BLOC1S5: variants seen among roughly 807,000 people sequenced by gnomAD.
BLOC1S5 encodes the protein biogenesis of lysosome-related organelles complex 1 subunit 5.
BLOC1S5 carries 27 observed loss-of-function variants against 24.3 expected under a neutral mutation model. The ratio of observed to expected loss-of-function variants is 1.11; its 90% CI spans 0.82 to 1.53. BLOC1S5 has a LOEUF of 1.53. BLOC1S5 is among the 40% of genes most tolerant of loss of function. The pLI, the probability that BLOC1S5 is intolerant of heterozygous loss-of-function variation, is 0.00. For missense variants in BLOC1S5, 239 were observed against 229.4 expected, an observed-to-expected ratio of 1.04 and a Z score of -0.27; for synonymous variants, 84 against 74.5, an observed-to-expected ratio of 1.13 and a Z score of -0.66.
chr6:8,058,228 C>G (rs1764382143), intron 2 of BLOC1S5, among the ~76,000 whole-genome samples: 1 of 151,886 alleles, frequency 6.6e-6, no homozygotes, highest in South Asian at 2.1e-4. Flanking sequence ...GGTCCAAAAG[C>G]CACCTTGTAG....
At chr6:8,019,269 CTT>C (rs3030896) in intron 4 of BLOC1S5, among the ~76,000 whole-genome samples, 7 of 138,732 alleles carry the variant, frequency 5.0e-5, no homozygotes, top group Admixed American at 7.3e-5. Context: ...GGCATTCTTA[CTT>C]TTTTTTTTTT....
intron 2 of BLOC1S5, among the ~76,000 whole-genome samples, chr6:8,060,528 A>T (rs994373082): frequency 6.6e-6 from 1 of 152,208 alleles, no homozygotes; most frequent in African/African-American, 2.4e-5. Context: ...TAAGACTGAA[A>T]TTAAGGAGAC....
At chr6:8,035,508 G>A (rs1763457258) in intron 3 of BLOC1S5, among the ~76,000 whole-genome samples, 1 of 152,104 alleles carries the variant, frequency 6.6e-6, no homozygotes, top group African/African-American at 2.4e-5. Context: ...TTCAGTAAAT[G>A]TTAGTTGGGT....
intron 2 of BLOC1S5, among the ~76,000 whole-genome samples, chr6:8,059,457 T>C (rs1292680911): frequency 6.6e-6 from 1 of 152,210 alleles, no homozygotes; most frequent in Non-Finnish European, 1.5e-5. Context: ...TGCTAGCCAG[T>C]TTTTCTTAAA....
At chr6:8,025,909 T>C (rs1763085648) in intron 4 of BLOC1S5, among the ~76,000 whole-genome samples, 1 of 152,234 alleles carries the variant, frequency 6.6e-6, no homozygotes, top group African/African-American at 2.4e-5. Flanking sequence ...TTAGTTAACA[T>C]ATAATTCAAA....
At chr6:8,064,178 CG>C in intron 1 of BLOC1S5, 86 bp downstream of exon 1, 5 of 1,178,226 alleles carry the variant, frequency 4.2e-6, no homozygotes, top group Admixed American at 3.6e-5. Flanking sequence ...GCCCGGGACC[CG>C]GGGGTCGGCC....
chr6:8,049,445 C>A (rs553194493), intron 2 of BLOC1S5, among the ~76,000 whole-genome samples: 2 of 151,942 alleles, frequency 1.3e-5, no homozygotes, highest in East Asian at 1.9e-4. Context: ...TCCAAAAACA[C>A]AGGCTTTTTT....
At position 8,031,214 on chromosome 6, in the gene BLOC1S5, G is replaced by A. The variant is rs149416741; in HGVS notation, c.326-4789C>T. Among the ~76,000 whole-genome samples, 267 of 152,226 alleles carry A rather than the reference G, an allele frequency of 1.8e-3. 1 individual carries two copies. Among genetic ancestry groups the A allele is most frequent in the African/African-American group, 6.1e-3 (252 of 41,530 alleles). On this transcript the variant is annotated intron_variant, in intron 3 of 4. Transcript: ENST00000397457. Reference sequence around the variant, plus strand: ...GTCACTAGTCACTGATGATATTATCGTATACCTAAAAAACCCTTAAGACTC... The same window carrying A: ...GTCACTAGTCACTGATGATATTATCATATACCTAAAAAACCCTTAAGACTC...
At chr6:8,022,828 C>T (rs1487807778) in intron 4 of BLOC1S5, among the ~76,000 whole-genome samples, 2 of 151,400 alleles carry the variant, frequency 1.3e-5, no homozygotes, top group Admixed American at 1.3e-4. Context: ...TCGTGATCCG[C>T]CCGCCTCGGC....
Position 8,015,452 on chromosome 6 carries a change from C to A in BLOC1S5, c.*197G>T. The A allele has an allele frequency of 1.8e-6, 1 of 541,998 alleles. No individual in the cohort carries two copies. The highest frequency in any genetic ancestry group is 3.2e-6 in the Non-Finnish European group (1 of 313,972). The allele number at this position is 541,998 out of a possible 1,614,324, so 33.6% of individuals were successfully genotyped here. On this transcript the variant is annotated 3_prime_UTR_variant, in exon 5 of 5. Coordinates refer to ENST00000397457, the MANE Select transcript of BLOC1S5 (RefSeq NM_201280.3). ...TCATTCAAATAATCATATATAGGCA[C>A]TTAAAGCTGGAAAAATGTGGCACCC...
At chr6:8,022,593 T>C (rs13206737) in intron 4 of BLOC1S5, among the ~76,000 whole-genome samples, 1 of 118,264 alleles carries the variant, frequency 8.5e-6, no homozygotes, top group Admixed American at 8.6e-5. Context: ...TTTTTTTTTC[T>C]TTTTTTTTTG....
chr6:8,056,188 C>T (rs1353027786), intron 2 of BLOC1S5, among the ~76,000 whole-genome samples: 1 of 152,196 alleles, frequency 6.6e-6, no homozygotes, highest in African/African-American at 2.4e-5. Context: ...TTATAAATTA[C>T]TCAGTTTCAG....
chr6:8,029,282 C>A (rs934794675), intron 3 of BLOC1S5, among the ~76,000 whole-genome samples: 3 of 152,180 alleles, frequency 2.0e-5, no homozygotes, highest in Non-Finnish European at 4.4e-5. Flanking sequence ...CTCAGGGCCA[C>A]AGAGAAATGA....
In BLOC1S5 at chr6:8,015,473, C is replaced by T; in HGVS notation, c.*176G>A. 1.7e-6 allele frequency: 1 copy of T among 600,910 alleles called. No homozygotes were observed. Among genetic ancestry groups the T allele is most frequent in the South Asian group, 3.0e-5 (1 of 33,824 alleles). 37.2% of individuals were successfully genotyped at this position (600,910 alleles called of 1,614,324 possible). On this transcript the variant is annotated 3_prime_UTR_variant, in exon 5 of 5. Transcript: ENST00000397457. ...GGCACTTAAAGCTGGAAAAATGTGG[C>T]ACCCTTCTTTAAATATCCAATCAGA...
Position 8,013,958 on chromosome 6 carries a change from T to C in BLOC1S5, c.*1691A>G, listed in dbSNP as rs1762658653. On this transcript the variant is annotated 3_prime_UTR_variant, in exon 5 of 5. Transcript: ENST00000397457. ...GAAAGTTGGCAGAAGTTCAGTGTTATTGAAAAAAATCTCAAATACTTATTT... is the reference window on the plus strand; with the variant it reads ...GAAAGTTGGCAGAAGTTCAGTGTTACTGAAAAAAATCTCAAATACTTATTT... 1 of 152,180 alleles carries C rather than the reference T, an allele frequency of 6.6e-6. No homozygotes were observed. 9.4% of individuals were successfully genotyped at this position (152,180 alleles called of 1,614,324 possible).
chr6:8,054,061 TATG>T (rs376096071), intron 2 of BLOC1S5, among the ~76,000 whole-genome samples: 54 of 152,348 alleles, frequency 3.5e-4, no homozygotes, highest in African/African-American at 8.7e-4. Context: ...CTACACTTTA[TATG>T]ATAACTTTGT....
chr6:8,029,204 C>T (rs146178990), intron 3 of BLOC1S5, among the ~76,000 whole-genome samples: 2 of 152,278 alleles, frequency 1.3e-5, no homozygotes, highest in East Asian at 3.9e-4. Context: ...CTCTCCACAA[C>T]AGAAAACCAA....
chr6:8,030,426 G>A (rs1395290477), intron 3 of BLOC1S5, among the ~76,000 whole-genome samples: 1 of 151,782 alleles, frequency 6.6e-6, no homozygotes, highest in Admixed American at 6.6e-5. Flanking sequence ...CCAAAGTGCT[G>A]GGATTACAGG....
At chr6:8,062,067 G>A (rs1246266704) in intron 2 of BLOC1S5, among the ~76,000 whole-genome samples, 2 of 152,206 alleles carry the variant, frequency 1.3e-5, no homozygotes, top group Non-Finnish European at 1.5e-5. Context: ...CGACATTTAT[G>A]AGGTAAACAT....
Sources: allele counts gnomAD v4.1 joint callset (sites outside exome capture counted in the v4.1 genomes callset), GRCh38; gene constraint gnomAD v4.1.1; transcripts MANE v1.5; gene names NCBI Gene and HGNC (gene_info 2026-07-23, HGNC 2026-07-21).